The following GLIS1 variants were observed in gnomAD, a reference collection of about 807,000 sequenced individuals.
GLIS1 encodes zinc finger protein GLIS1.
In GLIS1, 24 loss-of-function variants were observed where a neutral mutation model predicts 63.8. That is an observed-to-expected ratio of 0.38 (90% CI 0.27 to 0.53). GLIS1 has a LOEUF of 0.53. Among genes scored for constraint, GLIS1 ranks in the 20% least tolerant of loss-of-function variants. The pLI is 0.85. For missense variants in GLIS1, 1,036 were observed against 1,074.1 expected (o/e 0.96, Z 0.50); for synonymous variants, 450 against 482.5 (o/e 0.93, Z 0.88).
intron 2 of GLIS1, among the ~76,000 whole-genome samples, chr1:53,626,363 C>T (rs990124646): frequency 1.3e-5 from 2 of 152,174 alleles, no homozygotes; most frequent in Non-Finnish European, 2.9e-5. Flanking sequence ...GCAGCCTCAG[C>T]CTTTGCACAC....
intron 2 of GLIS1, among the ~76,000 whole-genome samples, chr1:53,664,624 C>T (rs1646067952): frequency 6.6e-6 from 1 of 152,156 alleles, no homozygotes; most frequent in African/African-American, 2.4e-5. Flanking sequence ...AAACAGAAAC[C>T]CCTGCCCTCA....
At chr1:53,547,727 C>T (rs957617019) in intron 4 of GLIS1, among the ~76,000 whole-genome samples, 4 of 152,254 alleles carry the variant, frequency 2.6e-5, no homozygotes, top group Non-Finnish European at 4.4e-5. Context: ...GAATCAGGCT[C>T]AGACTGGGTT....
rs759476573 is a variant in GLIS1 at position 53,514,734 on chromosome 1, G to A, written c.1774C>T (p.Leu592Phe). Reference sequence around the variant, plus strand: ...GGTACGTCGTGCGCTGGGGGCAGGAGGCCCGATGCAAGTCCGTTATGGGGG... The same window carrying A: ...GGTACGTCGTGCGCTGGGGGCAGGAAGCCCGATGCAAGTCCGTTATGGGGG... Reference protein sequence around the residue: ...ITPHNGLASGLLPPAHDVPSR... With the variant: ...ITPHNGLASGFLPPAHDVPSR... The change falls in exon 8 of 11, where the codon CTC becomes TTC. Residue 592 changes from leucine (L) to phenylalanine (F), a missense_variant. Leu to Phe is a conservative substitution (Grantham distance 22). Transcript: ENST00000628545. The A allele has an allele frequency of 4.3e-6, 7 of 1,611,590 alleles. No homozygotes were observed. Among genetic ancestry groups the A allele is most frequent in the Admixed American group, 1.7e-5 (1 of 59,750 alleles).
intron 2 of GLIS1, among the ~76,000 whole-genome samples, chr1:53,718,167 A>G (rs1044918621): frequency 6.6e-6 from 1 of 152,362 alleles, no homozygotes; most frequent in Admixed American, 6.5e-5. Context: ...GAAAATTCTG[A>G]GAGCCACTCA....
chr1:53,662,932 C>T (rs892758496), intron 2 of GLIS1, among the ~76,000 whole-genome samples: 9 of 152,222 alleles, frequency 5.9e-5, no homozygotes, highest in Admixed American at 5.2e-4. Context: ...GAAGCTGATG[C>T]ACAGAAAAGG....
At position 53,734,279 on chromosome 1, in the gene GLIS1, A is replaced by G. The variant is rs1351032888; in HGVS notation, c.259+3527T>C. The G allele has an allele frequency of 3.7e-6, 3 of 804,892 alleles. No homozygotes were observed. The East Asian group carries it at 3.8e-4, about 101-fold the overall frequency. The allele number at this position is 804,892 out of a possible 1,614,324, so 49.9% of individuals were successfully genotyped here. ...TTTGGTGTGGGAACAGCAACTCTGGACAAATGGAATCATGTGGTAAACTAT... is the reference window on the plus strand; with the variant it reads ...TTTGGTGTGGGAACAGCAACTCTGGGCAAATGGAATCATGTGGTAAACTAT... On this transcript the variant is annotated intron_variant, in intron 2 of 10. Coordinates refer to ENST00000628545, the MANE Select transcript of GLIS1 (RefSeq NM_001367484.1).
chr1:53,572,715 A>G (rs1644995300), intron 4 of GLIS1, among the ~76,000 whole-genome samples: 1 of 152,268 alleles, frequency 6.6e-6, no homozygotes, highest in South Asian at 2.1e-4. Flanking sequence ...AGGAGCCAGC[A>G]GGATGGCACA....
At chr1:53,549,304 G>A (rs1644735896) in intron 4 of GLIS1, among the ~76,000 whole-genome samples, 1 of 152,186 alleles carries the variant, frequency 6.6e-6, no homozygotes, top group Non-Finnish European at 1.5e-5. Flanking sequence ...ATACCTAGGA[G>A]AGACATTGAT....
At chr1:53,687,763 G>A (rs1646355440) in intron 2 of GLIS1, among the ~76,000 whole-genome samples, 1 of 152,210 alleles carries the variant, frequency 6.6e-6, no homozygotes, top group Non-Finnish European at 1.5e-5. Context: ...GGGGGTTCCA[G>A]TTAACCAGGT....
intron 4 of GLIS1, among the ~76,000 whole-genome samples, chr1:53,564,903 A>T (rs1344654264): frequency 6.6e-6 from 1 of 152,052 alleles, no homozygotes; most frequent in Non-Finnish European, 1.5e-5. Flanking sequence ...TAAACAAAGA[A>T]AAAAATAATA....
chr1:53,631,954 A>AGGTGTGTGAATGAGTGTGAGG (rs2100246523), intron 2 of GLIS1, among the ~76,000 whole-genome samples: 1 of 152,138 alleles, frequency 6.6e-6, no homozygotes, highest in African/African-American at 2.4e-5. Context: ...AATAAAAGAG[A>AGGTGTGTGAATGAGTGTGAGG]GGTGTGTGAA....
chr1:53,666,034 T>C (rs936302420), intron 2 of GLIS1, among the ~76,000 whole-genome samples: 5 of 152,184 alleles, frequency 3.3e-5, no homozygotes, highest in Admixed American at 6.5e-5. Context: ...TAGTCACAAA[T>C]TTAAAAAGTG....
intron 2 of GLIS1, among the ~76,000 whole-genome samples, chr1:53,661,732 T>C (rs1646030882): frequency 6.6e-6 from 1 of 152,072 alleles, no homozygotes; most frequent in African/African-American, 2.4e-5. Context: ...GCTGCCCCTC[T>C]CTGGGGTGGC....
intron 2 of GLIS1, among the ~76,000 whole-genome samples, chr1:53,685,070 G>A (rs1646319870): frequency 6.6e-6 from 1 of 152,140 alleles, no homozygotes; most frequent in Non-Finnish European, 1.5e-5. Flanking sequence ...CAGAGTTCTG[G>A]GAGGGACACA....
chr1:53,652,166 C>T (rs1557503321), intron 2 of GLIS1, among the ~76,000 whole-genome samples: 1 of 152,200 alleles, frequency 6.6e-6, no homozygotes, highest in Non-Finnish European at 1.5e-5. Flanking sequence ...TCTGTGAATT[C>T]TGTGTGTCCC....
At chr1:53,595,554 C>G (rs577978120) in intron 3 of GLIS1, among the ~76,000 whole-genome samples, 1 of 152,248 alleles carries the variant, frequency 6.6e-6, no homozygotes, top group Non-Finnish European at 1.5e-5. Context: ...CTCAGCACCC[C>G]CACCCAGCCC....
At chr1:53,679,978 G>A (rs1646257456) in intron 2 of GLIS1, among the ~76,000 whole-genome samples, 1 of 152,162 alleles carries the variant, frequency 6.6e-6, no homozygotes. Context: ...AAATATGGAA[G>A]CAGTAATGGA....
rs1645011592 is a variant in GLIS1 at position 53,574,337 on chromosome 1, C to T, written c.1320+19771G>A. Among the ~76,000 whole-genome samples, 1 of 152,232 alleles carries T rather than the reference C, an allele frequency of 6.6e-6. No individual in the cohort carries two copies. Among genetic ancestry groups the T allele is most frequent in the Admixed American group, 6.5e-5 (1 of 15,280 alleles). ...TGCACCGCTCTGTACCCAGAACATG[C>T]ACATGGCCTGGCATATTCTGGGTAC... On this transcript the variant is annotated intron_variant, in intron 4 of 10. Coordinates refer to ENST00000628545, the MANE Select transcript of GLIS1 (RefSeq NM_001367484.1). This position sits in a 1 kb window ranked among gnomAD's most constrained non-coding sequence, Gnocchi z 4.2.
chr1:53,691,630 A>G (rs934675792), intron 2 of GLIS1, among the ~76,000 whole-genome samples: 8 of 151,258 alleles, frequency 5.3e-5, no homozygotes, highest in Non-Finnish European at 1.2e-4. Context: ...GAGCTTCCAC[A>G]CCTTTTCCAC....
Sources: gnomAD v4.1 joint callset for allele counts (sites outside exome capture counted in the v4.1 genomes callset) on GRCh38, gnomAD v4.1.1 for gene constraint, Gnocchi (gnomAD v3.1) non-coding constraint, MANE v1.5 for transcripts, NCBI Gene and HGNC (gene_info 2026-07-23, HGNC 2026-07-21) for gene names.